Variants in NUBP1 observed in about 807,000 individuals in gnomAD.
NUBP1 encodes the protein cytosolic Fe-S cluster assembly factor NUBP1.
Under a neutral mutation model 41.8 loss-of-function variants are expected in NUBP1, and 46 were observed. The observed-to-expected ratio is 1.10, with a 90% CI of 0.87 to 1.41. The LOEUF is 1.41. NUBP1 is among the 40% of genes most tolerant of loss of function. The pLI is 0.00. For missense variants in NUBP1, 494 were observed against 414.0 expected, an observed-to-expected ratio of 1.19 and a Z score of -1.68; for synonymous variants, 189 against 154.6, an observed-to-expected ratio of 1.22 and a Z score of -1.65.
rs765598540 is a variant in NUBP1 at position 10,752,664 on chromosome 16, T to C, written c.313T>C (p.Leu105=). The C allele has an allele frequency of 1.4e-5, 23 of 1,613,546 alleles. No homozygotes were observed. In the Admixed American group the frequency reaches 2.5e-4, roughly 18 times the overall value. The stretch of plus-strand genomic sequence containing the variant: ...GCCATCGATTCCCAAGATAATGGGA[T>C]TGGAAGGAGAGCAGGTAATAGCCGG... ...CGPSIPKIMG[L]EGEQVHQSGS... The change falls in exon 4 of 11, where the codon TTG becomes CTG. Residue 105 remains leucine, a synonymous_variant. Coordinates refer to ENST00000283027, the MANE Select transcript of NUBP1 (RefSeq NM_002484.4).
intron 3 of NUBP1, among the ~76,000 whole-genome samples, chr16:10,750,348 A>C (rs753102628): frequency 1.3e-5 from 2 of 152,204 alleles, no homozygotes; most frequent in Admixed American, 1.3e-4. Context: ...GGGCTCAAGC[A>C]GTTCTGCCTC....
At chr16:10,748,341 C>A (rs1291704007) in intron 3 of NUBP1, among the ~76,000 whole-genome samples, 1 of 152,114 alleles carries the variant, frequency 6.6e-6, no homozygotes, top group African/African-American at 2.4e-5. Context: ...GCTGTTGGCC[C>A]TTGTGGAAAA....
In NUBP1 at chr16:10,767,870, A is replaced by G. The variant is rs553999210; in HGVS notation, c.821-79A>G. 2.3e-6 allele frequency: 3 copies of G among 1,323,598 alleles called. No homozygotes were observed. The African/African-American group carries it at 4.3e-5, about 19-fold the overall frequency. 82.0% of individuals were successfully genotyped at this position (1,323,598 alleles called of 1,614,324 possible). ...TCAAGATCTTCCCATTGTCACCAGC[A>G]CGGAAAGAGCCCCAAGATCTTGTGG... On this transcript the variant is annotated intron_variant, in intron 9 of 10. Transcript: ENST00000283027. This position sits in a 1 kb window ranked among gnomAD's most constrained non-coding sequence, Gnocchi z 4.6.
chr16:10,761,591 C>A, intron 8 of NUBP1, 117 bp downstream of exon 8: 1 of 1,052,648 alleles, frequency 9.5e-7, no homozygotes. Flanking sequence ...GAAGTGGAAT[C>A]ACAATTAAAA....
chr16:10,750,329 C>T (rs936005522), intron 3 of NUBP1, among the ~76,000 whole-genome samples: 1 of 152,216 alleles, frequency 6.6e-6, no homozygotes, highest in African/African-American at 2.4e-5. Flanking sequence ...ACTGCAACCT[C>T]CACCTCCCGG....
Position 10,756,793 on chromosome 16 carries a change from G to C in NUBP1, c.451+13G>C. On this transcript the variant is annotated intron_variant, in intron 6 of 10. Transcript: ENST00000283027. ...CCCAAGAAAAACGGTTTGCCACTCT[G>C]CCTTTTTTTGTCTCTCACATTCTTC... 6.3e-7 allele frequency: 1 copy of C among 1,588,140 alleles called. No homozygotes were observed. Among genetic ancestry groups the C allele is most frequent in the South Asian group, 1.2e-5 (1 of 86,804 alleles).
At chr16:10,764,264 G>T (rs1408053131) in intron 9 of NUBP1, among the ~76,000 whole-genome samples, 1 of 152,266 alleles carries the variant, frequency 6.6e-6, no homozygotes, top group Non-Finnish European at 1.5e-5. Flanking sequence ...GCACCTCAGT[G>T]TACTTTGCTT....
rs2031112348 is a variant in NUBP1 at position 10,767,766 on chromosome 16, TG to T, written c.821-179del. On this transcript the variant is annotated intron_variant, in intron 9 of 10. Coordinates refer to ENST00000283027, the MANE Select transcript of NUBP1 (RefSeq NM_002484.4). The surrounding 1 kb of genome is among the most constrained non-coding windows in gnomAD (Gnocchi z 4.6). The stretch of plus-strand genomic sequence containing the variant: ...TATTTAGCCACGCTGAAATGCTGGC[TG>T]GGGACCCTGCTGGAAGGAAGGTCCC... The T allele has an allele frequency of 6.6e-6, 4 of 602,052 alleles. No homozygotes were observed. The East Asian group carries it at 1.1e-4, about 17-fold the overall frequency. 37.3% of individuals were successfully genotyped at this position (602,052 alleles called of 1,614,324 possible).
At chr16:10,756,640 G>A in intron 5 of NUBP1, 50 bp from the exon 6 acceptor site, 2 of 1,395,004 alleles carry the variant, frequency 1.4e-6, no homozygotes, top group Non-Finnish European at 1.9e-6. Flanking sequence ...GGGCCTCACT[G>A]TGTGGTTTTG....
At chr16:10,756,373 A>T (rs1900554718) in intron 5 of NUBP1, among the ~76,000 whole-genome samples, 3 of 148,098 alleles carry the variant, frequency 2.0e-5, no homozygotes, top group Admixed American at 1.3e-4. Context: ...GCCAGACTTC[A>T]TCTCAAAAAA....
Position 10,757,822 on chromosome 16 carries a change from G to A in NUBP1, c.452-51G>A, listed in dbSNP as rs758114826. 10 of 1,589,640 alleles carry A rather than the reference G, an allele frequency of 6.3e-6. No homozygotes were observed. Among genetic ancestry groups the A allele is most frequent in the Middle Eastern group, 1.7e-4 (1 of 5,974 alleles). On this transcript the variant is annotated intron_variant, in intron 6 of 10. Transcript: ENST00000283027. The surrounding 1 kb of genome is among the most constrained non-coding windows in gnomAD (Gnocchi z 4.1). Reference sequence around the variant, plus strand: ...TTAAAAAAAAAAGAGGGAGTTGAAAGTACAGAAAAGAAAGGAAAAGTAAGC... The same window carrying A: ...TTAAAAAAAAAAGAGGGAGTTGAAAATACAGAAAAGAAAGGAAAAGTAAGC...
At chr16:10,750,875 C>G (rs1039673906) in intron 3 of NUBP1, among the ~76,000 whole-genome samples, 13 of 152,238 alleles carry the variant, frequency 8.5e-5, no homozygotes, top group African/African-American at 2.9e-4. Flanking sequence ...CCTTCTGCAG[C>G]AAACGCGGCC....
At position 10,752,694 on chromosome 16, in the gene NUBP1, A is replaced by G. The variant is rs745704358; in HGVS notation, c.327+16A>G. 2 of 1,609,696 alleles carry G rather than the reference A, an allele frequency of 1.2e-6. No individual in the cohort carries two copies. Among genetic ancestry groups the G allele is most frequent in the South Asian group, 2.2e-5 (2 of 91,010 alleles). On this transcript the variant is annotated intron_variant, in intron 4 of 10. Transcript: ENST00000283027. ...AGGAGAGCAGGTAATAGCCGGTTAC[A>G]GAACTCAGGAAATTATTCTCTTAAG...
At position 10,756,770 on chromosome 16, in the gene NUBP1, C is replaced by G; in HGVS notation, c.441C>G (p.Pro147=). ...ATGATGCTGTTATCTGGAGGGGACC[C>G]AAGAAAAACGGTTTGCCACTCTGCC... The part of the protein sequence containing the change: ...SPDDAVIWRG[P]KKNGMIKQFL... The change falls in exon 6 of 11, where the codon CCC becomes CCG. Residue 147 remains proline (P), a synonymous_variant. Transcript: ENST00000283027. 6.3e-7 allele frequency: 1 copy of G among 1,590,876 alleles called. No individual in the cohort carries two copies. The highest frequency in any genetic ancestry group is 8.5e-7 in the Non-Finnish European group (1 of 1,171,626).
intron 7 of NUBP1, 41 bp downstream of exon 7, chr16:10,758,068 C>T (rs946889324): frequency 6.3e-7 from 1 of 1,595,790 alleles, no homozygotes; most frequent in Non-Finnish European, 8.6e-7. Context: ...AAACTGTGCT[C>T]CACACTGTGA....
intron 9 of NUBP1, among the ~76,000 whole-genome samples, chr16:10,762,810 C>T (rs1036233560): frequency 4.8e-5 from 7 of 145,438 alleles, no homozygotes; most frequent in Admixed American, 2.7e-4. Context: ...GTGGGGGCCG[C>T]GTGCTTGGGG....
At position 10,754,490 on chromosome 16, in the gene NUBP1, G is replaced by A. The variant is rs548576101; in HGVS notation, c.328-1231G>A. Among the ~76,000 whole-genome samples the A allele has an allele frequency of 2.4e-4, 37 of 151,850 alleles. No individual in the cohort carries two copies. In the South Asian group the frequency reaches 4.4e-3, roughly 18 times the overall value. Reference sequence around the variant, plus strand: ...ACTCCTGACCTCAGGTGATCCTCCCGCCTCAGCCTCCCGCAGTGTTTGGAT... The same window carrying A: ...ACTCCTGACCTCAGGTGATCCTCCCACCTCAGCCTCCCGCAGTGTTTGGAT... On this transcript the variant is annotated intron_variant, in intron 4 of 10. Coordinates refer to ENST00000283027, the MANE Select transcript of NUBP1 (RefSeq NM_002484.4).
chr16:10,763,752 CA>C (rs2030380371), intron 9 of NUBP1: 1 of 155,008 alleles, frequency 6.5e-6, no homozygotes, highest in Non-Finnish European at 1.4e-5. Flanking sequence ...GGACGTTTGT[CA>C]GGGGAAACAT....
chr16:10,750,483 C>T (rs1425360416), intron 3 of NUBP1, among the ~76,000 whole-genome samples: 1 of 152,094 alleles, frequency 6.6e-6, no homozygotes, highest in African/African-American at 2.4e-5. Flanking sequence ...CTCAGGTGAT[C>T]CGCCTGCCTC....
Sources: allele counts gnomAD v4.1 joint callset (sites outside exome capture counted in the v4.1 genomes callset), GRCh38; gene constraint gnomAD v4.1.1; non-coding constraint Gnocchi (gnomAD v3.1); transcripts MANE v1.5; gene names NCBI Gene and HGNC (gene_info 2026-07-23, HGNC 2026-07-21).